SMYD3: variants seen among roughly 807,000 people sequenced by gnomAD.
SMYD3 encodes the protein SET and MYND domain containing 3.
Under a neutral mutation model 57.7 loss-of-function variants are expected in SMYD3, and 36 were observed. The observed-to-expected ratio is 0.62, with a 90% CI of 0.48 to 0.82. The LOEUF is 0.82. Ranked by LOEUF, SMYD3 falls within the 40% of genes least tolerant of loss-of-function variation. SMYD3 has a pLI of 0.00. For missense variants in SMYD3, 515 were observed against 538.8 expected (o/e 0.96, Z 0.44); for synonymous variants, 211 against 195.0 (o/e 1.08, Z -0.68).
intron 5 of SMYD3, among the ~76,000 whole-genome samples, chr1:246,216,662 A>G (rs1210653154): frequency 6.6e-6 from 1 of 152,138 alleles, no homozygotes; most frequent in Non-Finnish European, 1.5e-5. Context: ...TGAAAATATA[A>G]TAAAAAATGA....
At chr1:246,046,627 A>T (rs1382334330) in intron 5 of SMYD3, among the ~76,000 whole-genome samples, 1 of 147,906 alleles carries the variant, frequency 6.8e-6, no homozygotes, top group Admixed American at 6.8e-5. Flanking sequence ...AATGCAATAA[A>T]ATATATATAT....
At chr1:246,115,520 C>A (rs1572050091) in intron 5 of SMYD3, among the ~76,000 whole-genome samples, 1 of 152,080 alleles carries the variant, frequency 6.6e-6, no homozygotes, top group Admixed American at 6.6e-5. Flanking sequence ...TTGAGGGATA[C>A]AAAAATAGCT....
intron 5 of SMYD3, among the ~76,000 whole-genome samples, chr1:245,989,348 C>T (rs1312732757): frequency 1.3e-5 from 2 of 152,212 alleles, no homozygotes; most frequent in African/African-American, 4.8e-5. Context: ...CCTCTCTTAT[C>T]CTTAATTTCA....
chr1:245,850,492 G>C lies in SMYD3; in HGVS notation c.1076+8004C>G, dbSNP rs530233465. On this transcript the variant is annotated intron_variant, in intron 10 of 11. Coordinates refer to ENST00000490107, the MANE Select transcript of SMYD3 (RefSeq NM_001167740.2). The stretch of plus-strand genomic sequence containing the variant: ...GGATCACTTGGGCCCAGGAGTTCAA[G>C]ACTAGCCTGGGCAACATTACAAGAC... Among the ~76,000 whole-genome samples the C allele has an allele frequency of 6.6e-5, 10 of 152,186 alleles. 1 individual carries two copies. In the South Asian group the frequency reaches 1.9e-3, roughly 28 times the overall value.
intron 5 of SMYD3, among the ~76,000 whole-genome samples, chr1:245,955,187 G>C (rs940089933): frequency 7.2e-5 from 11 of 152,146 alleles, no homozygotes; most frequent in Non-Finnish European, 1.3e-4. Context: ...CGCCTCCCGG[G>C]TTCACGCCAT....
chr1:245,849,415 G>C (rs766625361), intron 10 of SMYD3, among the ~76,000 whole-genome samples: 1 of 152,184 alleles, frequency 6.6e-6, no homozygotes, highest in Admixed American at 6.5e-5. Context: ...CAGTTACCTT[G>C]AGGGGGTTTG....
At chr1:246,276,445 G>C (rs2064334260) in intron 5 of SMYD3, among the ~76,000 whole-genome samples, 1 of 142,868 alleles carries the variant, frequency 7.0e-6, no homozygotes, top group Admixed American at 7.1e-5. Flanking sequence ...TTTTTCACTA[G>C]CTGTATTAAC....
At chr1:246,224,079 CT>C (rs1425367172) in intron 5 of SMYD3, among the ~76,000 whole-genome samples, 2 of 152,008 alleles carry the variant, frequency 1.3e-5, no homozygotes, top group Non-Finnish European at 2.9e-5. Context: ...TCTGTTTTAT[CT>C]TTTTTCATAC....
intron 5 of SMYD3, among the ~76,000 whole-genome samples, chr1:246,227,572 A>G (rs2334002): frequency 0.27 from 40,500 of 151,856 alleles, 6,103 homozygotes; most frequent in East Asian, 0.58. Context: ...CTGAGATTGC[A>G]CAACTGCACT....
chr1:246,197,921 G>T (rs1467261650), intron 5 of SMYD3, among the ~76,000 whole-genome samples: 2 of 152,100 alleles, frequency 1.3e-5, no homozygotes, highest in Non-Finnish European at 2.9e-5. Context: ...AAATCATACT[G>T]CATACAATTA....
intron 5 of SMYD3, chr1:246,025,974 A>G (rs1277899443): frequency 1.3e-5 from 2 of 152,202 alleles, no homozygotes; most frequent in Admixed American, 6.5e-5. Flanking sequence ...TCTACTAAAA[A>G]TACAAAAATT....
At position 246,361,913 on chromosome 1, in the gene SMYD3, A is replaced by G. The variant is rs1296532557; in HGVS notation, c.165-6819T>C. ...CACTAAAGAGCTTATTCATGCAACC[A>G]AACACCACCTGCTCCCCAAAAACCT... On this transcript the variant is annotated intron_variant, in intron 1 of 11. Transcript: ENST00000490107. 5.3e-5 allele frequency among the ~76,000 whole-genome samples: 8 copies of G among 152,136 alleles called. No individual in the cohort carries two copies. The South Asian group carries it at 6.2e-4, about 12-fold the overall frequency.
chr1:246,370,181 G>A (rs1021127549), intron 1 of SMYD3, among the ~76,000 whole-genome samples: 1 of 152,138 alleles, frequency 6.6e-6, no homozygotes, highest in Non-Finnish European at 1.5e-5. Context: ...CTCAGCAACC[G>A]GCCACCATGG....
At chr1:245,922,331 CAGAGG>C (rs2056031482) in intron 7 of SMYD3, among the ~76,000 whole-genome samples, 1 of 152,200 alleles carries the variant, frequency 6.6e-6, no homozygotes, top group Admixed American at 6.5e-5. Context: ...GCTTCAATTT[CAGAGG>C]AGCATGTATT....
At chr1:246,256,473 G>C (rs2063896761) in intron 5 of SMYD3, among the ~76,000 whole-genome samples, 1 of 152,196 alleles carries the variant, frequency 6.6e-6, no homozygotes, top group Non-Finnish European at 1.5e-5. Flanking sequence ...TGTGCATAGA[G>C]GTGTTCATAA....
intron 1 of SMYD3, among the ~76,000 whole-genome samples, chr1:246,506,720 CTT>C (rs1319337812): frequency 1.3e-5 from 2 of 152,220 alleles, no homozygotes; most frequent in African/African-American, 4.8e-5. Context: ...AGCACACAGA[CTT>C]TTCGTCTCCC....
chr1:245,979,979 T>C lies in SMYD3; in HGVS notation c.532-50042A>G, dbSNP rs528161396. 1.8e-4 allele frequency among the ~76,000 whole-genome samples: 27 copies of C among 152,356 alleles called. No homozygotes were observed. The South Asian group carries it at 3.9e-3, about 22-fold the overall frequency. ...GCAGCTTCTGCGTCAGACACCAGTC[T>C]AGTGGACATCGCACGCTAGCCCTGC... On this transcript the variant is annotated intron_variant, in intron 5 of 11. Coordinates refer to ENST00000490107, the MANE Select transcript of SMYD3 (RefSeq NM_001167740.2).
intron 5 of SMYD3, among the ~76,000 whole-genome samples, chr1:246,116,712 T>A (rs985077424): frequency 4.6e-5 from 7 of 152,328 alleles, no homozygotes; most frequent in Non-Finnish European, 8.8e-5. Context: ...ATATAACTAG[T>A]TAGCCAGGCC....
At chr1:245,856,443 TAA>T (rs1272609134) in intron 10 of SMYD3, among the ~76,000 whole-genome samples, 2 of 152,174 alleles carry the variant, frequency 1.3e-5, no homozygotes, top group Admixed American at 6.5e-5. Context: ...AGCACACACT[TAA>T]AGAGATTGTG....
Sources: gnomAD v4.1 joint callset for allele counts (sites outside exome capture counted in the v4.1 genomes callset) on GRCh38, gnomAD v4.1.1 for gene constraint, MANE v1.5 for transcripts, NCBI Gene and HGNC (gene_info 2026-07-23, HGNC 2026-07-21) for gene names.